The following LIF variants were observed in gnomAD, a reference collection of about 807,000 sequenced individuals.
The protein encoded by LIF is leukemia inhibitory factor.
LIF carries 9 observed loss-of-function variants against 15.0 expected under a neutral mutation model. The observed-to-expected ratio is 0.60, with a 90% CI of 0.36 to 1.04. The LOEUF (loss-of-function observed/expected upper bound fraction) is 1.04, where lower values mean the gene tolerates loss of function less well. Ranked by LOEUF, LIF falls within the 50% of genes least tolerant of loss-of-function variation. The pLI is 0.01. For missense variants in LIF, 240 were observed against 266.7 expected (o/e 0.90, Z 0.70); for synonymous variants, 122 against 119.7 (o/e 1.02, Z -0.13).
chr22:30,245,208 G>A (rs1928837141), intron 1 of LIF, among the ~76,000 whole-genome samples: 1 of 152,198 alleles, frequency 6.6e-6, no homozygotes, highest in African/African-American at 2.4e-5. Flanking sequence ...AGGGTGCAGG[G>A]TCCAGGAGAG....
chr22:30,243,844 G>T lies in LIF; in HGVS notation c.416C>A (p.Ala139Asp), dbSNP rs1928764915. The stretch of plus-strand genomic sequence containing the variant: ...GAGGCCTCGCAGGATGTCGGCGGTG[G>T]CGTTGAGCTTGCTGTGGAGGCTGAG... ...SALSLHSKLN[A>D]TADILRGLLS... The change falls in exon 3 of 3, where the codon GCC (alanine) becomes GAC (aspartate). Residue 139 changes from alanine (A) to aspartate (D), a missense_variant. Ala to Asp is a moderately radical substitution (Grantham distance 126). Coordinates refer to ENST00000249075, the MANE Select transcript of LIF (RefSeq NM_002309.5). The surrounding 1 kb of genome is among the most constrained non-coding windows in gnomAD (Gnocchi z 6.0). 2 of 1,614,256 alleles carry T rather than the reference G, an allele frequency of 1.2e-6. No homozygotes were observed. The highest frequency in any genetic ancestry group is 1.7e-6 in the Non-Finnish European group (2 of 1,180,046).
chr22:30,244,955 C>T, intron 1 of LIF, 22 bp from the exon 2 acceptor site: 1 of 1,613,444 alleles, frequency 6.2e-7, no homozygotes. Context: ...CAGGAAGAAG[C>T]CATGAGTAGA....
chr22:30,244,956 C>T, intron 1 of LIF, 23 bp from the exon 2 acceptor site: 2 of 1,613,422 alleles, frequency 1.2e-6, no homozygotes, highest in Middle Eastern at 1.7e-4. Context: ...AGGAAGAAGC[C>T]ATGAGTAGAA....
At chr22:30,246,429 A>AGAG (rs1372311803) in intron 1 of LIF, 11 of 1,185,966 alleles carry the variant, frequency 9.3e-6, no homozygotes, top group East Asian at 7.5e-5. Context: ...AGGGGGAAGA[A>AGAG]GAGGAGGAGG....
In LIF at chr22:30,244,892, C is replaced by A. The variant is rs1423735785; in HGVS notation, c.61G>T (p.Ala21Ser). 1.9e-6 allele frequency: 3 copies of A among 1,614,042 alleles called. No individual in the cohort carries two copies. The highest frequency in any genetic ancestry group is 2.5e-6 in the Non-Finnish European group (3 of 1,180,016). ...GGGGTGATGGGGAGGGGGCTCCCCGCCCCATGTTTCCAGTGCAGAACCAAC... is the reference window on the plus strand; with the variant it reads ...GGGGTGATGGGGAGGGGGCTCCCCGACCCATGTTTCCAGTGCAGAACCAAC... Reference protein sequence around the residue: ...LLLVLHWKHGAGSPLPITPVN... With the variant: ...LLLVLHWKHGSGSPLPITPVN... The change falls in exon 2 of 3, where the codon GCG becomes TCG. Residue 21 changes from alanine to serine, a missense_variant. Coordinates refer to ENST00000249075, the MANE Select transcript of LIF (RefSeq NM_002309.5).
In LIF at chr22:30,241,664, C is replaced by G. The variant is rs911314666; in HGVS notation, c.*1987G>C. On this transcript the variant is annotated 3_prime_UTR_variant, in exon 3 of 3. Transcript: ENST00000249075. This position sits in a 1 kb window ranked among gnomAD's most constrained non-coding sequence, Gnocchi z 4.4. ...TCATCTTGTCGGAGGAACTTGGAGG[C>G]CGGCAGCCCGCTCAGGGTTTGAGAA... 3.9e-5 allele frequency: 6 copies of G among 152,744 alleles called. No individual in the cohort carries two copies. Among genetic ancestry groups the G allele is most frequent in the Non-Finnish European group, 8.8e-5 (6 of 68,108 alleles). The allele number at this position is 152,744 out of a possible 1,614,324, so 9.5% of individuals were successfully genotyped here. A position where few individuals can be genotyped will look rare whatever the true frequency, so the allele number is the denominator to read the frequency against.
chr22:30,243,455 G>T lies in LIF; in HGVS notation c.*196C>A. On this transcript the variant is annotated 3_prime_UTR_variant, in exon 3 of 3. Coordinates refer to ENST00000249075, the MANE Select transcript of LIF (RefSeq NM_002309.5). This position sits in a 1 kb window ranked among gnomAD's most constrained non-coding sequence, Gnocchi z 6.0. ...CACCTTCTTCTAGCTCCCTCCCTATGGAAGTTTCCACTCTGCTCAGCTTCA... is the reference window on the plus strand; with the variant it reads ...CACCTTCTTCTAGCTCCCTCCCTATTGAAGTTTCCACTCTGCTCAGCTTCA... 1.5e-6 allele frequency: 1 copy of T among 645,708 alleles called. No homozygotes were observed. The highest frequency in any genetic ancestry group is 2.7e-6 in the Non-Finnish European group (1 of 370,090). 40.0% of individuals were successfully genotyped at this position (645,708 alleles called of 1,614,324 possible). A position where few individuals can be genotyped will look rare whatever the true frequency, so the allele number is the denominator to read the frequency against.
Position 30,243,978 on chromosome 22 carries a change from G to A in LIF, c.282C>T (p.Ala94=). 1 of 1,613,996 alleles carries A rather than the reference G, an allele frequency of 6.2e-7. No individual in the cohort carries two copies. Among genetic ancestry groups the A allele is most frequent in the Non-Finnish European group, 8.5e-7 (1 of 1,180,016 alleles). The change falls in exon 3 of 3, where the codon GCC becomes GCT. Residue 94 remains alanine (A), a synonymous_variant. Coordinates refer to ENST00000249075, the MANE Select transcript of LIF (RefSeq NM_002309.5). The surrounding 1 kb of genome is among the most constrained non-coding windows in gnomAD (Gnocchi z 6.0). ...CCAGCTTGGCCTTCTCCGTGCCGTT[G>A]GCGTGGAAGGGCGGGAAGTCCGTCA... is the stretch of plus-strand genomic sequence containing the variant. ...PNVTDFPPFH[A]NGTEKAKLVE...
intron 2 of LIF, among the ~76,000 whole-genome samples, chr22:30,244,337 A>T (rs146472521): frequency 1.6e-3 from 250 of 152,244 alleles, no homozygotes; most frequent in African/African-American, 5.8e-3. Context: ...CTCGGTGTCT[A>T]GCCCTAGCTG....
Position 30,243,280 on chromosome 22 carries a change from T to C in LIF, c.*371A>G. ...TTTGCTGGGGGCTGGTCCACTCCCC[T>C]GGGCCCTGCTGTCTCACCCTGTGGT... On this transcript the variant is annotated 3_prime_UTR_variant, in exon 3 of 3. Coordinates refer to ENST00000249075, the MANE Select transcript of LIF (RefSeq NM_002309.5). The surrounding 1 kb of genome is among the most constrained non-coding windows in gnomAD (Gnocchi z 6.0). The C allele has an allele frequency of 2.7e-6, 1 of 373,580 alleles. No individual in the cohort carries two copies. Among genetic ancestry groups the C allele is most frequent in the Non-Finnish European group, 5.1e-6 (1 of 195,508 alleles). The allele number at this position is 373,580 out of a possible 1,614,324, so 23.1% of individuals were successfully genotyped here.
rs745916713 is a variant in LIF at position 30,243,625 on chromosome 22, T to C, written c.*26A>G. The C allele has an allele frequency of 1.2e-5, 20 of 1,613,848 alleles. No individual in the cohort carries two copies. The highest frequency in any genetic ancestry group is 1.4e-5 in the Non-Finnish European group (16 of 1,179,980). ...GGACCCAACTCCTGAGATCCCTCGG[T>C]TCACAGCACACTTCAAGACCTCCTG... On this transcript the variant is annotated 3_prime_UTR_variant, in exon 3 of 3. Coordinates refer to ENST00000249075, the MANE Select transcript of LIF (RefSeq NM_002309.5). The surrounding 1 kb of genome is among the most constrained non-coding windows in gnomAD (Gnocchi z 6.0).
At position 30,242,454 on chromosome 22, in the gene LIF, C is replaced by T. The variant is rs997886285; in HGVS notation, c.*1197G>A. On this transcript the variant is annotated 3_prime_UTR_variant, in exon 3 of 3. Coordinates refer to ENST00000249075, the MANE Select transcript of LIF (RefSeq NM_002309.5). ...AACATTGTCGACTTCCAGACCAGGC[C>T]CTGCTAAGCCCTGGCCCTGGCGCTT... The T allele has an allele frequency of 2.0e-5, 3 of 152,710 alleles. No homozygotes were observed. Among genetic ancestry groups the T allele is most frequent in the African/African-American group, 7.2e-5 (3 of 41,402 alleles). 9.5% of individuals were successfully genotyped at this position (152,710 alleles called of 1,614,324 possible).
Position 30,244,804 on chromosome 22 carries a change from C to T in LIF, c.149G>A (p.Ser50Asn), listed in dbSNP as rs533973860. Residue 50 changes from serine to asparagine, a missense_variant, in exon 2 of 3, where the codon AGC (serine) becomes AAC (asparagine). Transcript: ENST00000249075. Reference sequence around the variant, plus strand: ...ACTGCCATTGAGCTGTGCCAGTTGGCTCCTGATCTGGTTCATGAGGTTGTT... The same window carrying T: ...ACTGCCATTGAGCTGTGCCAGTTGGTTCCTGATCTGGTTCATGAGGTTGTT... The part of the protein sequence containing the change: ...CHNNLMNQIR[S>N]QLAQLNGSAN... The T allele has an allele frequency of 2.5e-6, 4 of 1,614,234 alleles. No individual in the cohort carries two copies. The highest frequency in any genetic ancestry group is 1.7e-5 in the Admixed American group (1 of 60,032).
intron 1 of LIF, 177 bp downstream of exon 1, chr22:30,246,499 GA>G (rs1479351057): frequency 4.0e-5 from 51 of 1,280,802 alleles, no homozygotes; most frequent in Non-Finnish European, 5.0e-5. Flanking sequence ...CGGTGCTTGG[GA>G]CCATGTGCCC....
intron 1 of LIF, 180 bp downstream of exon 1, chr22:30,246,496 TG>T: frequency 7.8e-7 from 1 of 1,277,488 alleles, no homozygotes; most frequent in Non-Finnish European, 9.9e-7. Context: ...GTGCGGTGCT[TG>T]GGACCATGTG....
chr22:30,243,577 C>A lies in LIF; in HGVS notation c.*74G>T. On this transcript the variant is annotated 3_prime_UTR_variant, in exon 3 of 3. Coordinates refer to ENST00000249075, the MANE Select transcript of LIF (RefSeq NM_002309.5). The surrounding 1 kb of genome is among the most constrained non-coding windows in gnomAD (Gnocchi z 6.0). ...TTAGCGATGCCCTGGGCCCCAGCCA[C>A]CCTTGGACAGGCCCCCACATCTGGA... 6.3e-7 allele frequency: 1 copy of A among 1,598,032 alleles called. No homozygotes were observed. Among genetic ancestry groups the A allele is most frequent in the Non-Finnish European group, 8.6e-7 (1 of 1,168,720 alleles).
At position 30,246,684 on chromosome 22, in the gene LIF, C is replaced by A; in HGVS notation, c.12G>T (p.Leu4Phe). The A allele has an allele frequency of 6.4e-7, 1 of 1,558,160 alleles. No individual in the cohort carries two copies. Among genetic ancestry groups the A allele is most frequent in the Non-Finnish European group, 8.7e-7 (1 of 1,150,122 alleles). Residue 4 changes from leucine to phenylalanine, a missense_variant, in exon 1 of 3, where the codon TTG (leucine) becomes TTT (phenylalanine). By Grantham distance (22) the Leu-to-Phe change is conservative (BLOSUM62 0). Transcript: ENST00000249075. MKV[L>F]AAGVVPLLLV... ...CGGGGCGGGTGTATTTACCTGCCGC[C>A]AAGACCTTCATTATGGGCTGCACTT...
In LIF at chr22:30,243,598, C is replaced by A; in HGVS notation, c.*53G>T. Reference sequence around the variant, plus strand: ...GCCACCCTTGGACAGGCCCCCACATCTGGACCCAACTCCTGAGATCCCTCG... The same window carrying A: ...GCCACCCTTGGACAGGCCCCCACATATGGACCCAACTCCTGAGATCCCTCG... On this transcript the variant is annotated 3_prime_UTR_variant, in exon 3 of 3. Transcript: ENST00000249075. The surrounding 1 kb of genome is among the most constrained non-coding windows in gnomAD (Gnocchi z 6.0). 6.2e-7 allele frequency: 1 copy of A among 1,612,376 alleles called. No individual in the cohort carries two copies. The highest frequency in any genetic ancestry group is 2.2e-5 in the East Asian group (1 of 44,880).
At chr22:30,245,083 T>A in intron 1 of LIF, 150 bp from the exon 2 acceptor site, 1 of 734,430 alleles carries the variant, frequency 1.4e-6, no homozygotes, top group East Asian at 2.7e-5. Context: ...TGGGGCCTAG[T>A]CTTCACTCTG....
Sources: gnomAD v4.1 joint callset for allele counts (sites outside exome capture counted in the v4.1 genomes callset) on GRCh38, gnomAD v4.1.1 for gene constraint, Gnocchi (gnomAD v3.1) non-coding constraint, MANE v1.5 for transcripts, NCBI Gene and HGNC (gene_info 2026-07-23, HGNC 2026-07-21) for gene names.